The following PTPRN2 variants were observed in gnomAD, a reference collection of about 807,000 sequenced individuals.
The protein encoded by PTPRN2 is protein tyrosine phosphatase receptor type N2.
In PTPRN2, 74 loss-of-function variants were observed where a neutral mutation model predicts 118.8. That is an observed-to-expected ratio of 0.62 (90% CI 0.52 to 0.76). The LOEUF is 0.76. Ranked by LOEUF, PTPRN2 falls within the 30% of genes least tolerant of loss-of-function variation. The pLI, the probability that PTPRN2 is intolerant of heterozygous loss-of-function variation, is 0.00. For synonymous variants in PTPRN2, 641 were observed against 608.0 expected (o/e 1.05, Z -0.80); for missense variants, 1,481 against 1,394.4 (o/e 1.06, Z -0.99).
intron 13 of PTPRN2, among the ~76,000 whole-genome samples, chr7:157,658,152 G>A (rs1215125983): frequency 6.6e-6 from 1 of 151,934 alleles, no homozygotes; most frequent in African/African-American, 2.4e-5. Context: ...TCGTTGGGTG[G>A]CTTCTCATTC....
chr7:158,314,658 G>C (rs1160452615), intron 3 of PTPRN2, among the ~76,000 whole-genome samples: 1 of 135,668 alleles, frequency 7.4e-6, no homozygotes, highest in African/African-American at 2.8e-5. Context: ...CCGGCGCCCT[G>C]GCCCACACCG....
chr7:158,445,806 C>G (rs974469503), intron 2 of PTPRN2, among the ~76,000 whole-genome samples: 2 of 152,258 alleles, frequency 1.3e-5, no homozygotes, highest in African/African-American at 4.8e-5. Flanking sequence ...CTCCTCCTGT[C>G]CCCGTGAGCC....
chr7:157,660,745 T>C (rs1183962493), intron 13 of PTPRN2, among the ~76,000 whole-genome samples: 1 of 152,108 alleles, frequency 6.6e-6, no homozygotes, highest in Non-Finnish European at 1.5e-5. Flanking sequence ...TCTGAAGAAG[T>C]TACAGAATTT....
chr7:157,540,499 C>T lies in PTPRN2; in HGVS notation c.*215G>A. 2.4e-6 allele frequency: 1 copy of T among 418,780 alleles called. No individual in the cohort carries two copies. The highest frequency in any genetic ancestry group is 4.3e-6 in the Non-Finnish European group (1 of 234,766). The allele number at this position is 418,780 out of a possible 1,614,324, so 25.9% of individuals were successfully genotyped here. Reference sequence around the variant, plus strand: ...AAGTGAAAATTGATGAACCGATTCCCCTCCACCCGTAACTGGATTTTTCCA... The same window carrying T: ...AAGTGAAAATTGATGAACCGATTCCTCTCCACCCGTAACTGGATTTTTCCA... On this transcript the variant is annotated 3_prime_UTR_variant, in exon 23 of 23. Coordinates refer to ENST00000389418, the MANE Select transcript of PTPRN2 (RefSeq NM_002847.5).
intron 2 of PTPRN2, among the ~76,000 whole-genome samples, chr7:158,377,102 C>CAAG: frequency 3.1e-5 from 1 of 31,860 alleles, no homozygotes; most frequent in African/African-American, 1.5e-4. Context: ...TGTCACACGT[C>CAAG]CTGAGAGGGG....
intron 11 of PTPRN2, among the ~76,000 whole-genome samples, chr7:157,997,416 C>T (rs1191505625): frequency 6.6e-6 from 1 of 152,240 alleles, no homozygotes; most frequent in African/African-American, 2.4e-5. Flanking sequence ...GGGGGCTGCT[C>T]TTTCCATAAA....
intron 2 of PTPRN2, among the ~76,000 whole-genome samples, chr7:158,352,959 AC>A (rs2151271873): frequency 6.6e-6 from 1 of 152,344 alleles, no homozygotes; most frequent in African/African-American, 2.4e-5. Context: ...CATTCAGGCC[AC>A]CCTGGGCCAA....
rs117083202 is a variant in PTPRN2 at position 157,926,331 on chromosome 7, C to T, written c.1724-27594G>A. Among the ~76,000 whole-genome samples the T allele has an allele frequency of 1.3e-3, 203 of 152,318 alleles. 3 individuals are homozygous for T. Among genetic ancestry groups the T allele is most frequent in the Middle Eastern group, 3.4e-3 (1 of 294 alleles). On this transcript the variant is annotated intron_variant, in intron 11 of 22. Coordinates refer to ENST00000389418, the MANE Select transcript of PTPRN2 (RefSeq NM_002847.5). Reference sequence around the variant, plus strand: ...CAGTACACTGAGGGTCCATGCGTCACGTCCCTCTGTCTGTCCACCACTAAA... The same window carrying T: ...CAGTACACTGAGGGTCCATGCGTCATGTCCCTCTGTCTGTCCACCACTAAA...
rs147332266 is a variant in PTPRN2 at position 158,248,353 on chromosome 7, G to A, written c.278-43080C>T. Among the ~76,000 whole-genome samples the A allele has an allele frequency of 4.7e-3, 711 of 152,302 alleles. 3 individuals are homozygous for A. Among genetic ancestry groups the A allele is most frequent in the African/African-American group, 0.016 (675 of 41,556 alleles). ...CAAGATGCAGCCAGGAAGGAGTGGG[G>A]TACCCCGACCACGTGGGGACACAGC... On this transcript the variant is annotated intron_variant, in intron 3 of 22. Coordinates refer to ENST00000389418, the MANE Select transcript of PTPRN2 (RefSeq NM_002847.5).
In PTPRN2 at chr7:157,727,663, C is replaced by T. The variant is rs57960106; in HGVS notation, c.1789-44726G>A. 0.011 allele frequency among the ~76,000 whole-genome samples: 1,743 copies of T among 152,326 alleles called. 97 individuals carry two copies. In the South Asian group the frequency reaches 0.13, roughly 11 times the overall value. The stretch of plus-strand genomic sequence containing the variant: ...ATGCTAAGAGGCGTGCACCTAAAAA[C>T]GGTTAGGACGATCCATTTTCTGTTT... On this transcript the variant is annotated intron_variant, in intron 12 of 22. Coordinates refer to ENST00000389418, the MANE Select transcript of PTPRN2 (RefSeq NM_002847.5).
At chr7:158,147,376 C>T (rs1351116121) in intron 6 of PTPRN2, among the ~76,000 whole-genome samples, 4 of 48,268 alleles carry the variant, frequency 8.3e-5, no homozygotes, top group South Asian at 1.1e-3. Flanking sequence ...CCCTCAATGA[C>T]ACCCCATCTC....
intron 20 of PTPRN2, among the ~76,000 whole-genome samples, chr7:157,570,092 T>A (rs1260493957): frequency 2.6e-5 from 4 of 152,202 alleles, no homozygotes; most frequent in Non-Finnish European, 1.5e-5. Flanking sequence ...GGTAAATGTT[T>A]AAAAAACGGC....
chr7:158,055,079 A>T (rs539623400), intron 11 of PTPRN2, among the ~76,000 whole-genome samples: 9 of 152,378 alleles, frequency 5.9e-5, no homozygotes, highest in Admixed American at 5.9e-4. Context: ...GAATAGTTAT[A>T]CTAGATCTAG....
chr7:158,126,954 G>A (rs1817737973), intron 9 of PTPRN2, among the ~76,000 whole-genome samples: 1 of 152,210 alleles, frequency 6.6e-6, no homozygotes, highest in Non-Finnish European at 1.5e-5. Flanking sequence ...ACAGAGGTGA[G>A]CACGCAGCAG....
intron 3 of PTPRN2, among the ~76,000 whole-genome samples, chr7:158,212,556 G>A (rs1186850750): frequency 6.6e-6 from 1 of 151,990 alleles, no homozygotes; most frequent in Admixed American, 6.6e-5. Context: ...AGACTTAATG[G>A]GTGCTGACTA....
intron 5 of PTPRN2, among the ~76,000 whole-genome samples, chr7:158,180,829 T>C (rs754342408): frequency 6.6e-6 from 1 of 152,236 alleles, no homozygotes; most frequent in Non-Finnish European, 1.5e-5. Flanking sequence ...TTATGAAATC[T>C]AGGAGTCTTT....
chr7:158,001,905 G>A (rs140502595), intron 11 of PTPRN2, among the ~76,000 whole-genome samples: 3,898 of 152,306 alleles, frequency 0.026, 72 homozygotes, highest in Non-Finnish European at 0.036. Flanking sequence ...GGAGGCACCC[G>A]CTGCTGCACT....
At chr7:157,968,338 C>T (rs1231961252) in intron 11 of PTPRN2, among the ~76,000 whole-genome samples, 4 of 152,186 alleles carry the variant, frequency 2.6e-5, no homozygotes, top group African/African-American at 9.7e-5. Flanking sequence ...ATTTCAGCCT[C>T]TGTGGCCTTG....
chr7:158,424,993 T>G (rs1005844371), intron 2 of PTPRN2, among the ~76,000 whole-genome samples: 1 of 152,172 alleles, frequency 6.6e-6, no homozygotes, highest in Non-Finnish European at 1.5e-5. Context: ...GAGAAGGCAT[T>G]CTGTAGTTAT....
Sources: gnomAD v4.1 joint callset for allele counts (sites outside exome capture counted in the v4.1 genomes callset) on GRCh38, gnomAD v4.1.1 for gene constraint, MANE v1.5 for transcripts, NCBI Gene and HGNC (gene_info 2026-07-23, HGNC 2026-07-21) for gene names.